CCDC158: variants seen among roughly 807,000 people sequenced by gnomAD.
CCDC158 encodes coiled-coil domain-containing protein 158.
In CCDC158, 116 loss-of-function variants were observed where a neutral mutation model predicts 138.6. That is an observed-to-expected ratio of 0.84 (90% CI 0.72 to 0.98). CCDC158 has a LOEUF of 0.98. CCDC158 is among the 50% of genes least tolerant of loss of function. The probability of loss-of-function intolerance (pLI) is 0.00; values close to 1 mark genes in which losing one functional copy is unlikely to be tolerated. For synonymous variants in CCDC158, 436 were observed against 442.4 expected, an observed-to-expected ratio of 0.99 and a Z score of 0.18; for missense variants, 1,265 against 1,306.1, an observed-to-expected ratio of 0.97 and a Z score of 0.48.
At chr4:76,364,279 T>C (rs1344814932) in intron 12 of CCDC158, among the ~76,000 whole-genome samples, 3 of 152,206 alleles carry the variant, frequency 2.0e-5, no homozygotes, top group African/African-American at 2.4e-5. Context: ...CTGCCATCAC[T>C]TTGCATATGG....
Position 76,357,415 on chromosome 4 carries a change from G to T in CCDC158, c.2132C>A (p.Thr711Lys). The T allele has an allele frequency of 6.3e-7, 1 of 1,594,112 alleles. No individual in the cohort carries two copies. Residue 711 changes from threonine to lysine, a missense_variant, in exon 14 of 25, where the codon ACA (threonine) becomes AAA (lysine). Physicochemically the swap from Thr to Lys is moderately conservative, Grantham distance 78. Transcript: ENST00000682701. ...LKSAQSELEQ[T>K]RNTLKSMEGS... ...TTCCATTGACTTTAATGTATTTCTT[G>T]TCTGTTCTAGTTCAGACTGTGCAGA...
intron 14 of CCDC158, among the ~76,000 whole-genome samples, chr4:76,355,800 TGTGTGTGTGTGTG>T (rs1723498785): frequency 1.4e-5 from 2 of 140,616 alleles, no homozygotes; most frequent in African/African-American, 6.2e-5. Flanking sequence ...TATATGTACG[TGTGTGTGTGTGTG>T]TGTGTGTGTG....
chr4:76,346,003 C>T (rs1722509429), intron 18 of CCDC158, among the ~76,000 whole-genome samples: 1 of 152,142 alleles, frequency 6.6e-6, no homozygotes, highest in Non-Finnish European at 1.5e-5. Flanking sequence ...AACAAGGCTA[C>T]AGTAACCAAA....
intron 15 of CCDC158, among the ~76,000 whole-genome samples, chr4:76,354,743 A>G (rs1454288525): frequency 1.3e-5 from 2 of 152,178 alleles, no homozygotes; most frequent in African/African-American, 4.8e-5. Flanking sequence ...GTTATGAACC[A>G]CATCCATCCA....
At chr4:76,356,989 C>A (rs981002919) in intron 14 of CCDC158, among the ~76,000 whole-genome samples, 6 of 151,956 alleles carry the variant, frequency 3.9e-5, no homozygotes, top group Non-Finnish European at 7.4e-5. Context: ...TCAAGAACTG[C>A]CAACTAGCCA....
chr4:76,318,892 G>C (rs1578848410), intron 24 of CCDC158, among the ~76,000 whole-genome samples: 1 of 152,194 alleles, frequency 6.6e-6, no homozygotes, highest in East Asian at 1.9e-4. Flanking sequence ...CACTTTGGGA[G>C]GCCAAGGTGG....
chr4:76,400,773 T>TTGC (rs112501437), intron 3 of CCDC158, among the ~76,000 whole-genome samples: 4,458 of 152,238 alleles, frequency 0.029, 216 homozygotes, highest in African/African-American at 0.1. Context: ...ATTCAAAATC[T>TTGC]TGCAGCAGCC....
intron 2 of CCDC158, among the ~76,000 whole-genome samples, chr4:76,408,078 TTTATTA>T (rs1034073530): frequency 1.8e-4 from 27 of 151,176 alleles, no homozygotes; most frequent in Non-Finnish European, 3.2e-4. Context: ...ATTAAAAAAT[TTTATTA>T]TTATTATTTT....
chr4:76,321,759 AT>A (rs972083962), intron 24 of CCDC158, among the ~76,000 whole-genome samples: 103 of 144,476 alleles, frequency 7.1e-4, no homozygotes, highest in African/African-American at 2.1e-3. Context: ...AAATATATAT[AT>A]TTTTTATATA....
In CCDC158 at chr4:76,369,595, A is replaced by G. The variant is rs955701882; in HGVS notation, c.1178T>C (p.Leu393Pro). ...LADLHKREKE[L>P]SLEKEQNKRL... ...CTTATTCTGCTCCTTCTCCAGACTCAGCTCCTTCTCCCTTTTGTGTAGATC... is the reference window on the plus strand; with the variant it reads ...CTTATTCTGCTCCTTCTCCAGACTCGGCTCCTTCTCCCTTTTGTGTAGATC... Residue 393 changes from leucine (L) to proline (P), a missense_variant, in exon 11 of 25, where the codon CTG becomes CCG. Transcript: ENST00000682701. The G allele has an allele frequency of 4.0e-5, 64 of 1,613,944 alleles. No homozygotes were observed. The highest frequency in any genetic ancestry group is 5.3e-5 in the Non-Finnish European group (63 of 1,180,004).
Position 76,418,187 on chromosome 4 carries a change from A to C in CCDC158, c.-117+2778T>G, listed in dbSNP as rs143645410. 1.9e-3 allele frequency among the ~76,000 whole-genome samples: 282 copies of C among 152,316 alleles called. 2 individuals are homozygous for C. Among genetic ancestry groups the C allele is most frequent in the African/African-American group, 6.3e-3 (263 of 41,558 alleles). ...CTAGGAGAAGCTGGGGCTAGCTATA[A>C]AGCCATTGGAGCAGTCCAACAAAGG... is the stretch of plus-strand genomic sequence containing the variant. On this transcript the variant is annotated intron_variant, in intron 1 of 24. Transcript: ENST00000682701.
intron 18 of CCDC158, among the ~76,000 whole-genome samples, chr4:76,337,531 G>T (rs931386810): frequency 2.0e-5 from 3 of 152,082 alleles, no homozygotes; most frequent in Non-Finnish European, 4.4e-5. Flanking sequence ...AGGAGCTCGA[G>T]ACCAGCCTGG....
In CCDC158 at chr4:76,345,506, TG is replaced by T. The variant is rs1578922893; in HGVS notation, c.2664+5489del. On this transcript the variant is annotated intron_variant, in intron 18 of 24. Coordinates refer to ENST00000682701, the MANE Select transcript of CCDC158 (RefSeq NM_001394954.1). Reference sequence around the variant, plus strand: ...TGGCAGCATTTAGAAAGATTCTCATTGAAATGTCTGAACTGGAAATAAAACA... The same window carrying T: ...TGGCAGCATTTAGAAAGATTCTCATTAAATGTCTGAACTGGAAATAAAACA... 9.7e-6 allele frequency: 9 copies of T among 923,870 alleles called. No individual in the cohort carries two copies. The East Asian group carries it at 1.9e-4, about 20-fold the overall frequency. The allele number at this position is 923,870 out of a possible 1,614,324, so 57.2% of individuals were successfully genotyped here.
At chr4:76,318,114 A>G (rs1317104424) in intron 24 of CCDC158, among the ~76,000 whole-genome samples, 1 of 152,190 alleles carries the variant, frequency 6.6e-6, no homozygotes, top group East Asian at 1.9e-4. Flanking sequence ...AGAAACAAGA[A>G]CAAACTAAAC....
rs769628925 is a variant in CCDC158 at position 76,362,209 on chromosome 4, C to T, written c.1937G>A (p.Arg646His). The T allele has an allele frequency of 5.3e-5, 86 of 1,614,108 alleles. 1 individual carries two copies. In the Admixed American group the frequency reaches 6.5e-4, roughly 12 times the overall value. Reference sequence around the variant, plus strand: ...CTCTTGTTTGATGTCCTTCACTGCACGGAGCCGCTCAGAGCCTGCATTCAC... The same window carrying T: ...CTCTTGTTTGATGTCCTTCACTGCATGGAGCCGCTCAGAGCCTGCATTCAC... ...KLVNAGSERLRAVKDIKQERD... is the reference protein window; with the variant it reads ...KLVNAGSERLHAVKDIKQERD... The change falls in exon 13 of 25, where the codon CGT (arginine) becomes CAT (histidine). Residue 646 changes from arginine to histidine, a missense_variant. Transcript: ENST00000682701.
At chr4:76,403,102 A>G (rs748909175) in intron 3 of CCDC158, 36 bp downstream of exon 3, 5 of 1,445,406 alleles carry the variant, frequency 3.5e-6, no homozygotes, top group Non-Finnish European at 4.8e-6. Flanking sequence ...GGTTAATTCT[A>G]TTTTTTCCCC....
intron 9 of CCDC158, among the ~76,000 whole-genome samples, chr4:76,371,859 A>T (rs757585982): frequency 6.6e-6 from 1 of 150,734 alleles, no homozygotes; most frequent in Non-Finnish European, 1.5e-5. Context: ...AATCGCTTGG[A>T]CCCGGGAGGC....
At chr4:76,314,484 A>G (rs1007276495) in intron 24 of CCDC158, among the ~76,000 whole-genome samples, 2 of 152,230 alleles carry the variant, frequency 1.3e-5, no homozygotes, top group African/African-American at 4.8e-5. Flanking sequence ...TGGGAAAACC[A>G]AAAGAATTTA....
At chr4:76,418,089 T>C (rs1729838533) in intron 1 of CCDC158, among the ~76,000 whole-genome samples, 1 of 152,202 alleles carries the variant, frequency 6.6e-6, no homozygotes, top group Non-Finnish European at 1.5e-5. Context: ...GGGCTTATTC[T>C]AAACGCAACG....
Sources: gnomAD v4.1 joint callset for allele counts (sites outside exome capture counted in the v4.1 genomes callset) on GRCh38, gnomAD v4.1.1 for gene constraint, MANE v1.5 for transcripts, NCBI Gene and HGNC (gene_info 2026-07-23, HGNC 2026-07-21) for gene names.